Variants in TSPAN11 observed in about 807,000 individuals in gnomAD.
The protein encoded by TSPAN11 is tetraspanin-11.
Under a neutral mutation model 32.9 loss-of-function variants are expected in TSPAN11, and 29 were observed. The ratio of observed to expected loss-of-function variants is 0.88; its 90% CI spans 0.66 to 1.20. TSPAN11 has a LOEUF of 1.20. Ranked by LOEUF, TSPAN11 falls within the 50% of genes most tolerant of loss-of-function variation. TSPAN11 has a pLI of 0.00. For synonymous variants in TSPAN11, 140 were observed against 141.3 expected, an observed-to-expected ratio of 0.99 and a Z score of 0.07; for missense variants, 283 against 329.1, an observed-to-expected ratio of 0.86 and a Z score of 1.08.
chr12:30,983,908 G>A (rs916733594), intron 7 of TSPAN11, among the ~76,000 whole-genome samples: 1 of 152,072 alleles, frequency 6.6e-6, no homozygotes, highest in African/African-American at 2.4e-5. Flanking sequence ...TGGTGTCCAG[G>A]GCAGTGACTG....
At chr12:30,957,228 A>AGCC (rs1938497110) in intron 2 of TSPAN11, among the ~76,000 whole-genome samples, 3 of 107,406 alleles carry the variant, frequency 2.8e-5, no homozygotes, top group Non-Finnish European at 6.1e-5. Flanking sequence ...ATGGCCTGGG[A>AGCC]CCCCCCCCCC....
In TSPAN11 at chr12:30,963,846, G is replaced by T; in HGVS notation, c.105G>T (p.Leu35=). 6.2e-7 allele frequency: 1 copy of T among 1,609,958 alleles called. No individual in the cohort carries two copies. Among genetic ancestry groups the T allele is most frequent in the Non-Finnish European group, 8.5e-7 (1 of 1,179,948 alleles). The change falls in exon 3 of 8, where the codon CTG becomes CTT. Residue 35 remains leucine (L), a synonymous_variant. Coordinates refer to ENST00000546076, the MANE Select transcript of TSPAN11 (RefSeq NM_001370302.1). The stretch of plus-strand genomic sequence containing the variant: ...TGCAGGTCGGGGGAGCAGCCGTCCT[G>T]GCTGTGGGCATCTGGACCCTGGTGG... ...FFFWVGGAAV[L]AVGIWTLVEK... is the part of the protein sequence containing the mutation.
At chr12:30,972,574 G>A (rs764475294) in intron 3 of TSPAN11, among the ~76,000 whole-genome samples, 29 of 152,246 alleles carry the variant, frequency 1.9e-4, no homozygotes, top group Admixed American at 7.8e-4. Flanking sequence ...CGTTGTGCAC[G>A]GTTCTGTGTG....
chr12:30,955,414 G>A (rs1181078224), intron 2 of TSPAN11, among the ~76,000 whole-genome samples: 1 of 152,166 alleles, frequency 6.6e-6, no homozygotes, highest in African/African-American at 2.4e-5. Flanking sequence ...TTCTTGCTAA[G>A]TAAGCATTTC....
chr12:30,973,742 A>T (rs924794685), intron 3 of TSPAN11, among the ~76,000 whole-genome samples: 2 of 152,240 alleles, frequency 1.3e-5, no homozygotes, highest in Admixed American at 6.5e-5. Context: ...CTACATGGAA[A>T]TATGGGCTGA....
chr12:31,008,002 G>A, the TSPAN11 span, among the ~76,000 whole-genome samples: 1 of 152,202 alleles, frequency 6.6e-6, no homozygotes, highest in African/African-American at 2.4e-5. Context: ...AAGCTACCCA[G>A]TAGGCAGAAG....
chr12:31,003,497 G>A, the TSPAN11 span, among the ~76,000 whole-genome samples: 1 of 152,204 alleles, frequency 6.6e-6, no homozygotes, highest in Non-Finnish European at 1.5e-5. Context: ...GCCAGAGGAT[G>A]CCCCTAAAGC....
intron 3 of TSPAN11, among the ~76,000 whole-genome samples, chr12:30,967,050 G>C (rs1298191131): frequency 6.6e-6 from 1 of 152,164 alleles, no homozygotes; most frequent in Non-Finnish European, 1.5e-5. Context: ...ATTTTTTGGA[G>C]AATAGTGTAA....
intron 1 of TSPAN11, among the ~76,000 whole-genome samples, chr12:30,929,626 C>A (rs1427843466): frequency 6.6e-6 from 1 of 152,120 alleles, no homozygotes; most frequent in Non-Finnish European, 1.5e-5. Flanking sequence ...ATGTGCCTCA[C>A]CCCCAGTAGA....
At chr12:31,010,872 C>A in the TSPAN11 span, among the ~76,000 whole-genome samples, 2 of 152,062 alleles carry the variant, frequency 1.3e-5, no homozygotes, top group African/African-American at 4.8e-5. Flanking sequence ...GAAAGATAAG[C>A]ACTCCCACCA....
downstream of TSPAN11, among the ~76,000 whole-genome samples, chr12:30,997,777 G>A: frequency 6.6e-6 from 1 of 152,180 alleles, no homozygotes; most frequent in East Asian, 1.9e-4. Context: ...AGAGGGCTGG[G>A]GGTGGTCAGG....
At chr12:30,985,922 T>C (rs1274345225) in intron 7 of TSPAN11, among the ~76,000 whole-genome samples, 1 of 152,222 alleles carries the variant, frequency 6.6e-6, no homozygotes, top group Non-Finnish European at 1.5e-5. Flanking sequence ...TGGAATGGCT[T>C]TTGGTGGCTC....
At chr12:31,001,325 C>T (rs115326407), downstream of TSPAN11, among the ~76,000 whole-genome samples, 1 of 152,312 alleles carries the variant, frequency 6.6e-6, no homozygotes, top group East Asian at 1.9e-4. Context: ...ACTAACACAT[C>T]CTGTCTTCAG....
chr12:30,960,713 TGGCTAGTCGGCCACA>T (rs1306317512), intron 2 of TSPAN11, among the ~76,000 whole-genome samples: 2 of 152,012 alleles, frequency 1.3e-5, no homozygotes, highest in African/African-American at 4.8e-5. Context: ...CAGGGCTTGC[TGGCTAGTCGGCCACA>T]GGCTATGGCT....
At chr12:30,965,152 G>A (rs1412325875) in intron 3 of TSPAN11, among the ~76,000 whole-genome samples, 1 of 152,242 alleles carries the variant, frequency 6.6e-6, no homozygotes, top group African/African-American at 2.4e-5. Context: ...CCCTCTGTGT[G>A]GCACTGACCA....
At chr12:31,003,948 T>C in the TSPAN11 span, among the ~76,000 whole-genome samples, 2 of 152,188 alleles carry the variant, frequency 1.3e-5, no homozygotes, top group Non-Finnish European at 2.9e-5. Flanking sequence ...CTGGTCCCAA[T>C]TTATATGTTA....
chr12:30,962,192 C>T lies in TSPAN11; in HGVS notation c.85-1634C>T, dbSNP rs573131432. Among the ~76,000 whole-genome samples the T allele has an allele frequency of 3.3e-5, 5 of 150,520 alleles. No homozygotes were observed. The South Asian group carries it at 1.0e-3, about 31-fold the overall frequency. ...GAAGAAATCTGCGTGATAGCCACTCCCATTCTGTTTGCTGTAGCCCAGATG... is the reference window on the plus strand; with the variant it reads ...GAAGAAATCTGCGTGATAGCCACTCTCATTCTGTTTGCTGTAGCCCAGATG... On this transcript the variant is annotated intron_variant, in intron 2 of 7. Coordinates refer to ENST00000546076, the MANE Select transcript of TSPAN11 (RefSeq NM_001370302.1).
At chr12:30,945,139 G>A (rs1295121207) in intron 1 of TSPAN11, among the ~76,000 whole-genome samples, 1 of 152,090 alleles carries the variant, frequency 6.6e-6, no homozygotes, top group East Asian at 1.9e-4. Context: ...AACCCTGCCT[G>A]TCCTCAAGGA....
chr12:30,946,262 A>T (rs74086321), intron 1 of TSPAN11, among the ~76,000 whole-genome samples: 1 of 152,110 alleles, frequency 6.6e-6, no homozygotes, highest in East Asian at 1.9e-4. Context: ...CTGAGAGCAA[A>T]TTCTCCAGTG....
Sources: gnomAD v4.1 joint callset for allele counts (sites outside exome capture counted in the v4.1 genomes callset) on GRCh38, gnomAD v4.1.1 for gene constraint, MANE v1.5 for transcripts, NCBI Gene and HGNC (gene_info 2026-07-23, HGNC 2026-07-21) for gene names.